The following PATJ variants were observed in gnomAD, a reference collection of about 807,000 sequenced individuals.
PATJ encodes the protein PATJ crumbs cell polarity complex component.
Under a neutral mutation model 224.9 loss-of-function variants are expected in PATJ, and 190 were observed. That is an observed-to-expected ratio of 0.84 (90% confidence interval 0.75 to 0.95). PATJ has a LOEUF of 0.95. Ranked by LOEUF, PATJ falls within the 40% of genes least tolerant of loss-of-function variation. The pLI, the probability that PATJ is intolerant of heterozygous loss-of-function variation, is 0.00. For synonymous variants in PATJ, 769 were observed against 820.3 expected (o/e 0.94, Z 1.07); for missense variants, 2,121 against 2,270.3 (o/e 0.93, Z 1.34).
chr1:62,115,038 T>G (rs1189707620), intron 35 of PATJ: 1 of 152,246 alleles, frequency 6.6e-6, no homozygotes, highest in Non-Finnish European at 1.5e-5. Flanking sequence ...CCAGATGCAG[T>G]GGCTCATGCC....
At chr1:61,795,816 A>T (rs1177101270) in intron 10 of PATJ, among the ~76,000 whole-genome samples, 1 of 152,178 alleles carries the variant, frequency 6.6e-6, no homozygotes, top group Non-Finnish European at 1.5e-5. Flanking sequence ...TGTTTGAAAG[A>T]TGTTCTAGCA....
In PATJ at chr1:61,856,083, T is replaced by C. The variant is rs1319881489; in HGVS notation, c.2166T>C (p.Asp722=). Residue 722 remains aspartate, a synonymous_variant, in exon 18 of 44, where the codon GAT becomes GAC. Transcript: ENST00000642238. ...TTGTGATCCGCTCCCTGGTAGCAGA[T>C]GGTGTAGCAGAAAGAAGTGGGGGAC... ...SVIVIRSLVA[D]GVAERSGGLL... The C allele has an allele frequency of 1.2e-6, 2 of 1,614,156 alleles. No homozygotes were observed. Among genetic ancestry groups the C allele is most frequent in the Non-Finnish European group, 1.7e-6 (2 of 1,180,014 alleles).
chr1:62,078,729 T>C (rs1308788800), intron 31 of PATJ: 3 of 152,490 alleles, frequency 2.0e-5, no homozygotes, highest in Non-Finnish European at 4.4e-5. Context: ...GAGTTACTCA[T>C]GTCTTCAGTT....
intron 30 of PATJ, chr1:62,038,628 T>G (rs972530690): frequency 8.9e-6 from 2 of 225,012 alleles, no homozygotes; most frequent in Admixed American, 5.3e-5. Flanking sequence ...TGCAGGGTTA[T>G]TCAAAGAAAT....
intron 19 of PATJ, among the ~76,000 whole-genome samples, chr1:61,863,534 G>T (rs189120047): frequency 6.6e-6 from 1 of 152,266 alleles, no homozygotes; most frequent in Non-Finnish European, 1.5e-5. Context: ...GATAGGTCAT[G>T]GTCTGAGCAA....
chr1:62,090,637 T>C (rs988955519), intron 33 of PATJ, among the ~76,000 whole-genome samples: 1 of 152,170 alleles, frequency 6.6e-6, no homozygotes, highest in African/African-American at 2.4e-5. Flanking sequence ...ATTCATAATT[T>C]TTATTTCCTT....
At chr1:62,040,582 T>C (rs527619768) in intron 30 of PATJ, among the ~76,000 whole-genome samples, 1 of 152,276 alleles carries the variant, frequency 6.6e-6, no homozygotes, top group African/African-American at 2.4e-5. Flanking sequence ...GGGAGGAGCC[T>C]TCCCTGCTGA....
intron 27 of PATJ, among the ~76,000 whole-genome samples, chr1:61,948,764 C>T (rs147204486): frequency 3.3e-5 from 5 of 152,082 alleles, no homozygotes; most frequent in South Asian, 4.2e-4. Flanking sequence ...CACTTGTACA[C>T]GTATGTTTAT....
intron 7 of PATJ, among the ~76,000 whole-genome samples, chr1:61,778,157 G>A (rs1390964691): frequency 6.6e-6 from 1 of 152,106 alleles, no homozygotes; most frequent in East Asian, 1.9e-4. Flanking sequence ...TGGAATTACA[G>A]GTGTGAGCCA....
At chr1:61,863,033 T>G (rs12022000) in intron 19 of PATJ, among the ~76,000 whole-genome samples, 16,927 of 110,016 alleles carry the variant, frequency 0.15, 1,508 homozygotes, top group African/African-American at 0.27. Flanking sequence ...TTCAGTTTTT[T>G]TTTTTTTTTT....
At position 61,914,671 on chromosome 1, in the gene PATJ, T is replaced by TG. The variant is rs748124994; in HGVS notation, c.3570+8dup. 2.0e-6 allele frequency: 3 copies of TG among 1,521,600 alleles called. No homozygotes were observed. The highest frequency in any genetic ancestry group is 2.7e-6 in the Non-Finnish European group (3 of 1,101,678). The allele number at this position is 1,521,600 out of a possible 1,614,324, so 94.3% of individuals were successfully genotyped here. A position where few individuals can be genotyped will look rare whatever the true frequency, so the allele number is the denominator to read the frequency against. ...CCAAGAAAAGAAAGAAAAGGTAACT[T>TG]GAACCTCTCAAGGATTTAAAAAATG... is the stretch of plus-strand genomic sequence containing the variant. On this transcript the variant is annotated splice_region_variant and intron_variant, in intron 26 of 43. Transcript: ENST00000642238.
Position 61,861,308 on chromosome 1 carries a change from A to T in PATJ, c.2323-243A>T, listed in dbSNP as rs1457446405. Among the ~76,000 whole-genome samples the T allele has an allele frequency of 1.9e-4, 7 of 36,330 alleles. No homozygotes were observed. Among genetic ancestry groups the T allele is most frequent in the South Asian group, 6.2e-4 (1 of 1,604 alleles). The allele number at this position is 36,330 out of a possible 152,430, so 23.8% of individuals were successfully genotyped here. On this transcript the variant is annotated intron_variant, in intron 18 of 43. Transcript: ENST00000642238. ...TCTTTTTTTTTTTTTTTTTTTTTTT[A>T]CGTGAATGAATCTTTTCTTTTTTCT...
chr1:62,130,532 TTAA>T (rs1666147608), intron 41 of PATJ, among the ~76,000 whole-genome samples: 2 of 151,136 alleles, frequency 1.3e-5, no homozygotes, highest in Non-Finnish European at 1.5e-5. Flanking sequence ...AAATTTAATT[TTAA>T]TAATAAAAAA....
At chr1:61,794,378 C>T (rs1650588963) in intron 9 of PATJ, among the ~76,000 whole-genome samples, 1 of 152,052 alleles carries the variant, frequency 6.6e-6, no homozygotes, top group Admixed American at 6.6e-5. Context: ...GTCCTGGGCT[C>T]AGGTGATCCT....
At chr1:61,909,929 C>T (rs1415193727) in intron 25 of PATJ, among the ~76,000 whole-genome samples, 3 of 152,202 alleles carry the variant, frequency 2.0e-5, no homozygotes. Flanking sequence ...CTGCATTTTG[C>T]AGTATGGTGC....
intron 17 of PATJ, among the ~76,000 whole-genome samples, chr1:61,850,641 T>C (rs993339265): frequency 9.9e-5 from 15 of 152,240 alleles, no homozygotes; most frequent in African/African-American, 3.6e-4. Flanking sequence ...AGCAAATACT[T>C]AAGTTAGAGA....
At chr1:61,763,216 T>C in intron 3 of PATJ, 37 bp downstream of exon 3, 1 of 1,184,348 alleles carries the variant, frequency 8.4e-7, no homozygotes, top group Non-Finnish European at 1.2e-6. Context: ...TAATATATTA[T>C]ATTAATATAT....
At chr1:61,788,819 C>T (rs770798050) in intron 8 of PATJ, among the ~76,000 whole-genome samples, 2 of 152,086 alleles carry the variant, frequency 1.3e-5, no homozygotes, top group Non-Finnish European at 2.9e-5. Flanking sequence ...GGATTACAGA[C>T]ATGCACCACC....
intron 41 of PATJ, among the ~76,000 whole-genome samples, chr1:62,132,888 T>C (rs1285844568): frequency 2.0e-5 from 3 of 151,664 alleles, no homozygotes; most frequent in Non-Finnish European, 4.4e-5. Context: ...TGGATGACAG[T>C]GAGACCCTGT....
Sources: gnomAD v4.1 joint callset for allele counts (sites outside exome capture counted in the v4.1 genomes callset) on GRCh38, gnomAD v4.1.1 for gene constraint, MANE v1.5 for transcripts, NCBI Gene and HGNC (gene_info 2026-07-23, HGNC 2026-07-21) for gene names.